The following ARID1A variants were observed in gnomAD, a reference collection of about 807,000 sequenced individuals.
The protein encoded by ARID1A is AT-rich interactive domain-containing protein 1A.
Under a neutral mutation model 212.6 loss-of-function variants are expected in ARID1A, and 20 were observed. The observed-to-expected ratio is 0.09, with a 90% CI of 0.07 to 0.14. The LOEUF (loss-of-function observed/expected upper bound fraction) is 0.14, where lower values mean the gene tolerates loss of function less well. Ranked by LOEUF, ARID1A falls within the 10% of genes least tolerant of loss-of-function variation. The pLI is 1.00. For missense variants in ARID1A, 2,587 were observed against 3,059.0 expected (o/e 0.85, Z 3.64); for synonymous variants, 1,376 against 1,222.1 (o/e 1.13, Z -2.63).
rs2124147226 is a variant in ARID1A, at chr1:26,780,154, G to A, written c.6256G>A (p.Asp2086Asn). 1 of 1,614,106 alleles carries A rather than the reference G, an allele frequency of 6.2e-7. No individual in the cohort carries two copies. Among genetic ancestry groups the A allele is most frequent in the Non-Finnish European group, 8.5e-7 (1 of 1,180,020 alleles). Residue 2086 changes from aspartate to asparagine, a missense_variant, in exon 20 of 20, where the codon GAC becomes AAC. Coordinates refer to ENST00000324856, the MANE Select transcript of ARID1A (RefSeq NM_006015.6). The surrounding 1 kb of genome is among the most constrained non-coding windows in gnomAD (Gnocchi z 7.2). ...YPESICLPVL[D>N]GLLHWAVCPS... ...CGAGAGCATTTGCCTGCCTGTCCTG[G>A]ACGGACTCCTACACTGGGCAGTTTG...
At chr1:26,710,511 A>ACACACACACG (rs1228131131) in intron 1 of ARID1A, among the ~76,000 whole-genome samples, 1 of 150,870 alleles carries the variant, frequency 6.6e-6, no homozygotes, top group Non-Finnish European at 1.5e-5. Flanking sequence ...ACACACACAC[A>ACACACACACG]CACACACACA....
chr1:26,734,396 A>AT, intron 4 of ARID1A, among the ~76,000 whole-genome samples: 1 of 143,682 alleles, frequency 7.0e-6, no homozygotes, highest in African/African-American at 2.6e-5. Flanking sequence ...GAGATGCTAC[A>AT]TGCCTTGTAA....
At chr1:26,778,922 C>G in intron 19 of ARID1A, 101 bp from the exon 20 acceptor site, 3 of 1,220,660 alleles carry the variant, frequency 2.5e-6, no homozygotes, top group Non-Finnish European at 3.4e-6. Context: ...CTCTGCCTCT[C>G]CCAACTGATA....
rs986762836 is a variant in ARID1A at position 26,773,206 on chromosome 1, G to T, written c.3716-140G>T. ...AAGTACATGCTTTTCGCTGGTTGGG[G>T]CCTCTTTAGATCTCTGTTTTGAACT... On this transcript the variant is annotated intron_variant, in intron 14 of 19. Transcript: ENST00000324856. 6.1e-6 allele frequency: 8 copies of T among 1,316,066 alleles called. No individual in the cohort carries two copies. In the African/African-American group the frequency reaches 8.9e-5, roughly 15 times the overall value. The allele number at this position is 1,316,066 out of a possible 1,614,324, so 81.5% of individuals were successfully genotyped here.
intron 5 of ARID1A, 93 bp downstream of exon 5, chr1:26,761,189 C>T (rs778466842): frequency 5.2e-6 from 8 of 1,545,548 alleles, no homozygotes; most frequent in Admixed American, 1.9e-5. Flanking sequence ...GAGAAAGCAT[C>T]TCTGGCTCAT....
intron 18 of ARID1A, 117 bp downstream of exon 18, chr1:26,775,337 A>G (rs2081125162): frequency 4.8e-6 from 7 of 1,453,456 alleles, no homozygotes; most frequent in African/African-American, 1.4e-5. Context: ...ACTAAAATAG[A>G]ACCAAAGAAC....
At chr1:26,704,326 G>A (rs1186358190) in intron 1 of ARID1A, among the ~76,000 whole-genome samples, 1 of 152,204 alleles carries the variant, frequency 6.6e-6, no homozygotes, top group East Asian at 1.9e-4. Context: ...GCCCTGGACA[G>A]CTCTGTAGTA....
chr1:26,747,974 A>G (rs1010220674), intron 4 of ARID1A, among the ~76,000 whole-genome samples: 2 of 152,152 alleles, frequency 1.3e-5, no homozygotes, highest in African/African-American at 2.4e-5. Context: ...GTTCTTTTCA[A>G]AGTCCTTTGA....
At chr1:26,722,483 C>A (rs1019340058) in intron 1 of ARID1A, among the ~76,000 whole-genome samples, 1 of 152,190 alleles carries the variant, frequency 6.6e-6, no homozygotes, top group South Asian at 2.1e-4. Flanking sequence ...TGACCTCAGG[C>A]GATCTGCCGC....
intron 10 of ARID1A, among the ~76,000 whole-genome samples, chr1:26,767,240 A>G (rs1243532256): frequency 6.6e-6 from 1 of 152,242 alleles, no homozygotes; most frequent in Non-Finnish European, 1.5e-5. Flanking sequence ...TGTACAGGAT[A>G]ATATCCAAAG....
At chr1:26,738,060 G>C (rs1206587765) in intron 4 of ARID1A, among the ~76,000 whole-genome samples, 2 of 150,696 alleles carry the variant, frequency 1.3e-5, no homozygotes, top group Admixed American at 6.6e-5. Context: ...GTCTCACTCT[G>C]TCACCCAGGC....
chr1:26,717,326 C>G (rs578026070), intron 1 of ARID1A, among the ~76,000 whole-genome samples: 3 of 152,340 alleles, frequency 2.0e-5, no homozygotes. Context: ...TGAACTGGCA[C>G]TGTAACAAGC....
At chr1:26,758,870 G>A (rs181826316) in intron 4 of ARID1A, among the ~76,000 whole-genome samples, 216 of 152,296 alleles carry the variant, frequency 1.4e-3, no homozygotes, top group African/African-American at 5.0e-3. Context: ...TGACTTCTCA[G>A]CTAACATGGA....
At chr1:26,757,216 TAAAA>T (rs879619044) in intron 4 of ARID1A, among the ~76,000 whole-genome samples, 1 of 111,974 alleles carries the variant, frequency 8.9e-6, no homozygotes, top group African/African-American at 3.4e-5. Context: ...CCCTGTCTCT[TAAAA>T]AAAAAAAAAA....
chr1:26,696,415 G>C lies in ARID1A; in HGVS notation c.12G>C (p.Gln4His), dbSNP rs2080253049. 1 of 1,284,396 alleles carries C rather than the reference G, an allele frequency of 7.8e-7. No homozygotes were observed. Among genetic ancestry groups the C allele is most frequent in the Non-Finnish European group, 9.8e-7 (1 of 1,017,562 alleles). 79.6% of individuals were successfully genotyped at this position (1,284,396 alleles called of 1,614,324 possible). MAA[Q>H]VAPAAASSLG... ...AGACAGCGGGGATCATGGCCGCGCAGGTCGCCCCCGCCGCCGCCAGCAGCC... is the reference window on the plus strand; with the variant it reads ...AGACAGCGGGGATCATGGCCGCGCACGTCGCCCCCGCCGCCGCCAGCAGCC... The change falls in exon 1 of 20, where the codon CAG (glutamine) becomes CAC (histidine). Residue 4 changes from glutamine (Q) to histidine (H), a missense_variant. By Grantham distance (24) the Gln-to-His change is conservative. Around this residue, in one of 11 missense-constraint regions of ARID1A, gnomAD observed 735 missense variants for 590.6 expected, o/e 1.24. Transcript: ENST00000324856.
chr1:26,715,820 C>T (rs2080497178), intron 1 of ARID1A, among the ~76,000 whole-genome samples: 1 of 151,612 alleles, frequency 6.6e-6, no homozygotes, highest in Non-Finnish European at 1.5e-5. Flanking sequence ...CCAGCCTGGG[C>T]AATGTAGGGA....
intron 4 of ARID1A, among the ~76,000 whole-genome samples, chr1:26,733,029 G>A (rs776055963): frequency 3.3e-5 from 5 of 152,166 alleles, no homozygotes; most frequent in Non-Finnish European, 5.9e-5. Context: ...TTTAGACATG[G>A]ACCCACATGA....
intron 4 of ARID1A, among the ~76,000 whole-genome samples, chr1:26,742,436 T>G (rs1237630867): frequency 1.3e-5 from 2 of 152,192 alleles, no homozygotes; most frequent in African/African-American, 4.8e-5. Flanking sequence ...TGTGTCTGTC[T>G]TCTTAGAACA....
Position 26,774,210 on chromosome 1 carries a change from C to T in ARID1A, c.4102-119C>T. ...CAAAAGACAATTTGTTAAGGTGATT[C>T]CCATGTTTTCTTGGAGTCTGTGTCC... On this transcript the variant is annotated intron_variant, in intron 17 of 19. Coordinates refer to ENST00000324856, the MANE Select transcript of ARID1A (RefSeq NM_006015.6). This position sits in a 1 kb window ranked among gnomAD's most constrained non-coding sequence, Gnocchi z 5.6. 1.4e-6 allele frequency: 2 copies of T among 1,466,628 alleles called. No homozygotes were observed. The highest frequency in any genetic ancestry group is 3.0e-5 in the South Asian group (2 of 67,724). The allele number at this position is 1,466,628 out of a possible 1,614,324, so 90.9% of individuals were successfully genotyped here.
Sources: allele counts gnomAD v4.1 joint callset (sites outside exome capture counted in the v4.1 genomes callset), GRCh38; gene constraint gnomAD v4.1.1; regional missense constraint gnomAD v4.1.1; non-coding constraint Gnocchi (gnomAD v3.1); transcripts MANE v1.5; gene names NCBI Gene and HGNC (gene_info 2026-07-23, HGNC 2026-07-21).